The following GSPT1 variants were observed in gnomAD, a reference collection of about 807,000 sequenced individuals.
The protein encoded by GSPT1 is G1 to S phase transition 1.
GSPT1 carries 20 observed loss-of-function variants against 72.5 expected under a neutral mutation model. The observed-to-expected ratio is 0.28, with a 90% CI of 0.19 to 0.40. GSPT1 has a LOEUF of 0.40. Among genes scored for constraint, GSPT1 ranks in the 10% least tolerant of loss-of-function variants. The pLI is 1.00. For missense variants in GSPT1, 580 were observed against 811.9 expected (o/e 0.71, Z 3.47); for synonymous variants, 334 against 293.5 (o/e 1.14, Z -1.41).
intron 6 of GSPT1, among the ~76,000 whole-genome samples, chr16:11,888,451 G>C (rs1446297529): frequency 1.4e-5 from 2 of 138,990 alleles, no homozygotes; most frequent in Admixed American, 1.5e-4. Flanking sequence ...AACAGAGGGA[G>C]ACTCTGTCTC....
chr16:11,909,322 A>G (rs924999609), intron 1 of GSPT1, among the ~76,000 whole-genome samples: 26 of 152,212 alleles, frequency 1.7e-4, no homozygotes, highest in African/African-American at 6.3e-4. Flanking sequence ...GTCTCGGCTC[A>G]CTTTGTTAAA....
chr16:11,899,536 G>A (rs1016321367), intron 1 of GSPT1, among the ~76,000 whole-genome samples: 1 of 152,130 alleles, frequency 6.6e-6, no homozygotes, highest in Non-Finnish European at 1.5e-5. Flanking sequence ...GAAAGGGAGA[G>A]TAAAAGGTCT....
chr16:11,916,209 G>A (rs1408542462), upstream of GSPT1: 2 of 340,242 alleles, frequency 5.9e-6, no homozygotes, highest in South Asian at 2.1e-5. Flanking sequence ...AGCGGCTCCG[G>A]CTCCCGGCAG....
intron 11 of GSPT1, among the ~76,000 whole-genome samples, chr16:11,880,762 A>T (rs2054112017): frequency 6.6e-6 from 1 of 152,154 alleles, no homozygotes. Context: ...TGGGTTGTTC[A>T]GGTTTTCTGT....
At chr16:11,879,321 G>A (rs1404541181) in intron 11 of GSPT1, among the ~76,000 whole-genome samples, 29 of 151,948 alleles carry the variant, frequency 1.9e-4, no homozygotes, top group Non-Finnish European at 1.0e-4. Context: ...TTGAACCCTG[G>A]AGGTGGAGGT....
At position 11,915,478 on chromosome 16, in the gene GSPT1, G is replaced by A. The variant is rs370578329; in HGVS notation, c.243C>T (p.His81=). The part of the protein sequence containing the change: ...VNAKPFVPNV[H]AAEFVPSFLR... ...GGAAGGACGGCACGAACTCGGCGGC[G>A]TGGACGTTGGGCACGAAGGGCTTGG... The change falls in exon 1 of 15, where the codon CAC becomes CAT. Residue 81 remains histidine (H), a synonymous_variant. Transcript: ENST00000434724. The A allele has an allele frequency of 5.2e-6, 8 of 1,551,260 alleles. No homozygotes were observed. The African/African-American group carries it at 8.6e-5, about 17-fold the overall frequency.
Position 11,915,634 on chromosome 16 carries a change from G to T in GSPT1, c.87C>A (p.Asp29Glu). The change falls in exon 1 of 15, where the codon GAC becomes GAA. Residue 29 changes from aspartate (D) to glutamate (E), a missense_variant. This residue lies in a region of GSPT1 where 327 missense variants were observed against 298.8 expected (regional missense o/e 1.09). Coordinates refer to ENST00000434724, the MANE Select transcript of GSPT1 (RefSeq NM_002094.4). ...SGSSSSDSAP[D>E]CWDQADMEAP... ...CTTCCATGTCCGCCTGGTCCCAGCA[G>T]TCAGGCGCCGAGTCGCTGCTGCTGC... The T allele has an allele frequency of 6.7e-7, 1 of 1,488,966 alleles. No homozygotes were observed. The highest frequency in any genetic ancestry group is 8.9e-7 in the Non-Finnish European group (1 of 1,123,104). 92.2% of individuals were successfully genotyped at this position (1,488,966 alleles called of 1,614,324 possible).
chr16:11,914,897 CGCA>C, intron 1 of GSPT1: 1 of 706,126 alleles, frequency 1.4e-6, no homozygotes, highest in South Asian at 1.5e-5. Flanking sequence ...TAGTAGAAAA[CGCA>C]GCAGAAGACG....
At chr16:11,896,850 T>G (rs1226662851) in intron 3 of GSPT1, 65 bp from the exon 4 acceptor site, 3 of 1,044,396 alleles carry the variant, frequency 2.9e-6, no homozygotes, top group Non-Finnish European at 4.3e-6. Flanking sequence ...TAAAATACAC[T>G]AGCTTTAAAA....
At chr16:11,889,199 T>C (rs2054222541) in intron 6 of GSPT1, among the ~76,000 whole-genome samples, 1 of 151,336 alleles carries the variant, frequency 6.6e-6, no homozygotes, top group East Asian at 2.0e-4. Context: ...TCCCAGCTAC[T>C]TGGGAGGCTG....
At chr16:11,892,531 A>AAAAAAAAAAAAAAAAAAAAT (rs1567443313) in intron 5 of GSPT1, among the ~76,000 whole-genome samples, 8 of 139,864 alleles carry the variant, frequency 5.7e-5, no homozygotes, top group African/African-American at 2.0e-4. Flanking sequence ...AACAAAAAAA[A>AAAAAAAAAAAAAAAAAAAAT]CAAAAAATAA....
chr16:11,899,928 T>C, intron 1 of GSPT1, among the ~76,000 whole-genome samples: 1 of 152,158 alleles, frequency 6.6e-6, no homozygotes, highest in East Asian at 1.9e-4. Flanking sequence ...GAGGAGTTTA[T>C]GGGAGGAAAT....
At chr16:11,879,747 A>C (rs145888123) in intron 11 of GSPT1, among the ~76,000 whole-genome samples, 1,818 of 152,008 alleles carry the variant, frequency 0.012, 42 homozygotes, top group African/African-American at 0.041. Context: ...TCAAAAAAAA[A>C]AAAAAAAACA....
At chr16:11,894,621 A>C (rs2054311983) in intron 5 of GSPT1, among the ~76,000 whole-genome samples, 1 of 152,204 alleles carries the variant, frequency 6.6e-6, no homozygotes, top group African/African-American at 2.4e-5. Flanking sequence ...ATTTAACACT[A>C]GTAATAATCA....
intron 14 of GSPT1, among the ~76,000 whole-genome samples, chr16:11,874,929 C>T (rs533468932): frequency 1.4e-3 from 213 of 152,294 alleles, no homozygotes; most frequent in Middle Eastern, 3.4e-3. Context: ...CGGTGGCTCA[C>T]GCCTGTAATC....
chr16:11,915,426 G>T lies in GSPT1; in HGVS notation c.295C>A (p.Pro99Thr), dbSNP rs1268942469. Residue 99 changes from proline to threonine, a missense_variant, in exon 1 of 15, where the codon CCA becomes ACA. This residue lies in a region of GSPT1 where 327 missense variants were observed against 298.8 expected (regional missense o/e 1.09). Transcript: ENST00000434724. ...FLRGPAAPPP[P>T]VGGAANNHGA... ...TGGTTATTGGCGGCGCCGCCAACTGGGGGTGGCGGCGCTGCCGGGCCCCGC... is the reference window on the plus strand; with the variant it reads ...TGGTTATTGGCGGCGCCGCCAACTGTGGGTGGCGGCGCTGCCGGGCCCCGC... 4 of 1,512,914 alleles carry T rather than the reference G, an allele frequency of 2.6e-6. No homozygotes were observed. In the African/African-American group the frequency reaches 4.4e-5, roughly 17 times the overall value. The allele number at this position is 1,512,914 out of a possible 1,614,324, so 93.7% of individuals were successfully genotyped here. A position where few individuals can be genotyped will look rare whatever the true frequency, so the allele number is the denominator to read the frequency against.
rs932524803 is a variant in GSPT1, at chr16:11,869,122, T to G, written c.*3997A>C. ...CACCAAAAGTTGAACCAAATCTACC[T>G]GAACTGAACTGATAGTAAACTGGGT... On this transcript the variant is annotated 3_prime_UTR_variant, in exon 15 of 15. Transcript: ENST00000434724. The G allele has an allele frequency of 6.6e-6, 1 of 152,192 alleles. No homozygotes were observed. The highest frequency in any genetic ancestry group is 1.5e-5 in the Non-Finnish European group (1 of 68,030). 9.4% of individuals were successfully genotyped at this position (152,192 alleles called of 1,614,324 possible). A position where few individuals can be genotyped will look rare whatever the true frequency, so the allele number is the denominator to read the frequency against.
At position 11,887,075 on chromosome 16, in the gene GSPT1, G is replaced by T. The variant is rs1180290408; in HGVS notation, c.958-144C>A. The stretch of plus-strand genomic sequence containing the variant: ...GAAGCAAACGAGTTATGACGTACCT[G>T]CTTTTGAATGTCACAAATCAAACAA... On this transcript the variant is annotated intron_variant, in intron 7 of 14. Transcript: ENST00000434724. 5 of 579,562 alleles carry T rather than the reference G, an allele frequency of 8.6e-6. No individual in the cohort carries two copies. In the Admixed American group the frequency reaches 1.5e-4, roughly 17 times the overall value. The allele number at this position is 579,562 out of a possible 1,614,324, so 35.9% of individuals were successfully genotyped here.
chr16:11,886,064 T>C (rs2054183451), intron 9 of GSPT1, among the ~76,000 whole-genome samples: 6 of 152,140 alleles, frequency 3.9e-5, no homozygotes, highest in Admixed American at 1.3e-4. Context: ...ACATAGACCT[T>C]ACATCTTACA....
Sources: allele counts gnomAD v4.1 joint callset (sites outside exome capture counted in the v4.1 genomes callset), GRCh38; gene constraint gnomAD v4.1.1; regional missense constraint gnomAD v4.1.1; transcripts MANE v1.5; gene names NCBI Gene and HGNC (gene_info 2026-07-23, HGNC 2026-07-21).